The following MTUS1 variants were observed in gnomAD, a reference collection of about 807,000 sequenced individuals.
The protein encoded by MTUS1 is microtubule associated scaffold protein 1.
MTUS1 carries 109 observed loss-of-function variants against 120.8 expected under a neutral mutation model. The observed-to-expected ratio is 0.90, with a 90% CI of 0.77 to 1.06. The LOEUF (loss-of-function observed/expected upper bound fraction) is 1.06. Ranked by LOEUF, MTUS1 falls within the 50% of genes least tolerant of loss-of-function variation. MTUS1 has a pLI of 0.00. For synonymous variants in MTUS1, 737 were observed against 550.5 expected (o/e 1.34, Z -4.74); for missense variants, 2,210 against 1,486.3 (o/e 1.49, Z -8.01).
intron 2 of MTUS1, among the ~76,000 whole-genome samples, chr8:17,753,295 A>T (rs2048333385): frequency 6.6e-6 from 1 of 152,138 alleles, no homozygotes; most frequent in Non-Finnish European, 1.5e-5. Flanking sequence ...TCCAGGAGTT[A>T]TTTTTATGTT....
At position 17,760,114 on chromosome 8, in the gene MTUS1, G is replaced by A. The variant is rs1319475863; in HGVS notation, c.-154-4153C>T. Reference sequence around the variant, plus strand: ...GCCTGTAGTCCCAGCTGCTCAGAAGGCTAGGGAGAAAGGATCACCTGGGCC... The same window carrying A: ...GCCTGTAGTCCCAGCTGCTCAGAAGACTAGGGAGAAAGGATCACCTGGGCC... On this transcript the variant is annotated intron_variant, in intron 1 of 14. Transcript: ENST00000693296. Among the ~76,000 whole-genome samples the A allele has an allele frequency of 9.3e-5, 14 of 150,418 alleles. 1 individual carries two copies. The South Asian group carries it at 2.9e-3, about 32-fold the overall frequency.
chr8:17,739,169 A>C (rs1193213287), intron 3 of MTUS1, among the ~76,000 whole-genome samples: 1 of 151,942 alleles, frequency 6.6e-6, no homozygotes, highest in African/African-American at 2.4e-5. Flanking sequence ...AAAACAAACA[A>C]ACAAAAAAAC....
chr8:17,779,463 C>G (rs980572665), intron 1 of MTUS1, among the ~76,000 whole-genome samples: 2 of 152,182 alleles, frequency 1.3e-5, no homozygotes, highest in African/African-American at 4.8e-5. Flanking sequence ...AACCCATGTT[C>G]TGGTGTTTAA....
intron 8 of MTUS1, among the ~76,000 whole-genome samples, chr8:17,662,529 G>GT (rs925127785): frequency 6.6e-6 from 1 of 151,508 alleles, no homozygotes. Context: ...CTAATTTTTT[G>GT]TTTTTTAGTA....
At chr8:17,778,832 A>G (rs904012736) in intron 1 of MTUS1, among the ~76,000 whole-genome samples, 4 of 152,138 alleles carry the variant, frequency 2.6e-5, no homozygotes, top group Non-Finnish European at 4.4e-5. Flanking sequence ...AAATAAAAAT[A>G]AAGAAGACAC....
intron 1 of MTUS1, among the ~76,000 whole-genome samples, chr8:17,799,245 T>TTAGTAA (rs57936269): frequency 0.039 from 5,954 of 152,192 alleles, 382 homozygotes; most frequent in African/African-American, 0.14. Context: ...AAAAGTATAT[T>TTAGTAA]TAGTAAGTGG....
intron 7 of MTUS1, among the ~76,000 whole-genome samples, chr8:17,679,954 A>T (rs1199069781): frequency 1.3e-5 from 2 of 152,234 alleles, no homozygotes; most frequent in Admixed American, 1.3e-4. Context: ...GTTCACTCAC[A>T]TATATACTGT....
intron 1 of MTUS1, among the ~76,000 whole-genome samples, chr8:17,774,508 T>C (rs1385611669): frequency 6.6e-6 from 1 of 152,144 alleles, no homozygotes; most frequent in East Asian, 1.9e-4. Flanking sequence ...GAGAAGATGC[T>C]CAACATCATT....
intron 3 of MTUS1, among the ~76,000 whole-genome samples, chr8:17,739,415 C>G (rs1283886960): frequency 6.6e-6 from 1 of 150,850 alleles, no homozygotes; most frequent in Non-Finnish European, 1.5e-5. Context: ...ATTGCTTGAA[C>G]CAGGGAAGGG....
Position 17,755,143 on chromosome 8 carries a change from G to A in MTUS1, c.665C>T (p.Thr222Ile). ...GTTTTCAAAGCTTTCTCTATCATAA[G>A]TAGTTTCTCTTGCATGCGTCTTATC... ...HSDKTHARETTYDRESFENPQ... is the reference protein window; with the variant it reads ...HSDKTHARETIYDRESFENPQ... The change falls in exon 2 of 15, where the codon ACT becomes ATT. Residue 222 changes from threonine to isoleucine, a missense_variant. Thr to Ile is a moderately conservative substitution (Grantham distance 89, BLOSUM62 -1). Coordinates refer to ENST00000693296, the MANE Select transcript of MTUS1 (RefSeq NM_001363059.2). 3.7e-6 allele frequency: 6 copies of A among 1,614,144 alleles called. No homozygotes were observed. The highest frequency in any genetic ancestry group is 5.1e-6 in the Non-Finnish European group (6 of 1,180,022).
In MTUS1 at chr8:17,655,985, G is replaced by A. The variant is rs1295514266; in HGVS notation, c.2986C>T (p.His996Tyr). 6.2e-7 allele frequency: 1 copy of A among 1,614,214 alleles called. No homozygotes were observed. The highest frequency in any genetic ancestry group is 1.6e-4 in the Middle Eastern group (1 of 6,062). ...QTVYEAFVQQ[H>Y]QAEKTERENR... ...TCTCGTTCTGTTTTTTCAGCCTGGT[G>A]CTGCTGGACGAATGCTTCATACACT... is the stretch of plus-strand genomic sequence containing the variant. Residue 996 changes from histidine to tyrosine, a missense_variant, in exon 9 of 15, where the codon CAC (histidine) becomes TAC (tyrosine). Coordinates refer to ENST00000693296, the MANE Select transcript of MTUS1 (RefSeq NM_001363059.2).
At chr8:17,741,183 T>G (rs912482714) in intron 3 of MTUS1, among the ~76,000 whole-genome samples, 1 of 152,010 alleles carries the variant, frequency 6.6e-6, no homozygotes, top group Non-Finnish European at 1.5e-5. Flanking sequence ...CAAGCCCATC[T>G]CTTCATCTTT....
intron 14 of MTUS1, 100 bp downstream of exon 14, chr8:17,646,882 C>G: frequency 1.3e-6 from 1 of 789,794 alleles, no homozygotes; most frequent in East Asian, 2.5e-5. Context: ...CTGCTTCCAT[C>G]ATATTTCCAG....
intron 7 of MTUS1, 75 bp downstream of exon 7, chr8:17,684,253 C>A: frequency 9.6e-7 from 1 of 1,041,524 alleles, no homozygotes; most frequent in South Asian, 1.3e-5. Context: ...TTCCCAAGGC[C>A]AGCGTGTGAG....
chr8:17,649,966 G>A lies in MTUS1; in HGVS notation c.3385-4C>T, dbSNP rs189317596. 1.5e-5 allele frequency: 22 copies of A among 1,469,816 alleles called. No homozygotes were observed. In the African/African-American group the frequency reaches 2.6e-4, roughly 18 times the overall value. The allele number at this position is 1,469,816 out of a possible 1,614,324, so 91.0% of individuals were successfully genotyped here. ...GATACATGATCTGAGGATTTTTCTG[G>A]AAAGGACACAGCAAGATACTGCTCT... On this transcript the variant is annotated splice_polypyrimidine_tract_variant and splice_region_variant and intron_variant, in intron 12 of 14. Transcript: ENST00000693296.
At position 17,754,927 on chromosome 8, in the gene MTUS1, G is replaced by A. The variant is rs372406442; in HGVS notation, c.881C>T (p.Pro294Leu). Residue 294 changes from proline to leucine, a missense_variant, in exon 2 of 15, where the codon CCA (proline) becomes CTA (leucine). By Grantham distance (98) the Pro-to-Leu change is moderately conservative (BLOSUM62 -3). Transcript: ENST00000693296. ...VGEKETQALT[P>L]VSDGMEVPND... ...GGGGACTTCCATGCCATCAGAAACT[G>A]GTGTTAGTGCTTGTGTCTCCTTTTC... The A allele has an allele frequency of 5.6e-5, 90 of 1,614,112 alleles. No homozygotes were observed. In the African/African-American group the frequency reaches 1.1e-3, roughly 19 times the overall value.
chr8:17,800,698 A>C (rs969080070), intron 1 of MTUS1: 1 of 152,116 alleles, frequency 6.6e-6, no homozygotes, highest in South Asian at 2.1e-4. Context: ...CAGCAACCCT[A>C]TTCCACCCGC....
Position 17,670,988 on chromosome 8 carries a change from G to T in MTUS1, c.2905+4198C>A, listed in dbSNP as rs529477128. 2.0e-5 allele frequency among the ~76,000 whole-genome samples: 3 copies of T among 152,268 alleles called. No homozygotes were observed. In the South Asian group the frequency reaches 6.2e-4, roughly 32 times the overall value. On this transcript the variant is annotated intron_variant, in intron 8 of 14. Coordinates refer to ENST00000693296, the MANE Select transcript of MTUS1 (RefSeq NM_001363059.2). Reference sequence around the variant, plus strand: ...TTAAATCAGTGTTTGCTTCTAGGGGGAGGGGTGTTCCACTGTGAAATGGCA... The same window carrying T: ...TTAAATCAGTGTTTGCTTCTAGGGGTAGGGGTGTTCCACTGTGAAATGGCA...
At chr8:17,737,547 G>A (rs573342277) in intron 3 of MTUS1, among the ~76,000 whole-genome samples, 1 of 152,290 alleles carries the variant, frequency 6.6e-6, no homozygotes, top group East Asian at 1.9e-4. Flanking sequence ...GAAGTGCAGT[G>A]GTACAATTAT....
Sources: gnomAD v4.1 joint callset for allele counts (sites outside exome capture counted in the v4.1 genomes callset) on GRCh38, gnomAD v4.1.1 for gene constraint, MANE v1.5 for transcripts, NCBI Gene and HGNC (gene_info 2026-07-23, HGNC 2026-07-21) for gene names.